The following TRDN variants were observed in gnomAD, a reference collection of about 807,000 sequenced individuals.
TRDN encodes the protein triadin.
TRDN carries 161 observed loss-of-function variants against 149.7 expected under a neutral mutation model. The ratio of observed to expected loss-of-function variants is 1.08; its 90% CI spans 0.95 to 1.23. The LOEUF (loss-of-function observed/expected upper bound fraction) is 1.23, where lower values mean the gene tolerates loss of function less well. TRDN is among the 50% of genes most tolerant of loss of function. TRDN has a pLI of 0.00. For missense variants in TRDN, 896 were observed against 823.5 expected (o/e 1.09, Z -1.08); for synonymous variants, 294 against 250.5 (o/e 1.17, Z -1.64).
chr6:123,318,833 CA>C (rs1582865565), intron 23 of TRDN, among the ~76,000 whole-genome samples: 2 of 152,116 alleles, frequency 1.3e-5, no homozygotes, highest in East Asian at 3.9e-4. Context: ...CAACCAGAAC[CA>C]ACTTCGATCT....
chr6:123,381,985 CTCTCAA>C, intron 15 of TRDN, 127 bp downstream of exon 15: 1 of 591,918 alleles, frequency 1.7e-6, no homozygotes, highest in Non-Finnish European at 2.6e-6. Context: ...CTCTCTCTCT[CTCTCAA>C]TCTCAATCAT....
At chr6:123,622,418 A>G (rs1259497991) in intron 1 of TRDN, among the ~76,000 whole-genome samples, 1 of 152,066 alleles carries the variant, frequency 6.6e-6, no homozygotes, top group African/African-American at 2.4e-5. Flanking sequence ...GCCTCTGGTC[A>G]ACAGTAGGCT....
intron 12 of TRDN, among the ~76,000 whole-genome samples, chr6:123,425,172 G>GGT (rs1431521760): frequency 2.0e-5 from 3 of 151,294 alleles, no homozygotes; most frequent in African/African-American, 7.3e-5. Context: ...GGGAAAAAAG[G>GGT]GTGTAGTAAT....
chr6:123,493,651 T>C (rs772274480), intron 9 of TRDN, among the ~76,000 whole-genome samples: 1 of 152,114 alleles, frequency 6.6e-6, no homozygotes, highest in Non-Finnish European at 1.5e-5. Flanking sequence ...AATAGTGAAC[T>C]CTAGCTAAAC....
chr6:123,464,767 A>C (rs1306351428), intron 10 of TRDN, 139 bp downstream of exon 10: 7 of 1,409,184 alleles, frequency 5.0e-6, no homozygotes, highest in Non-Finnish European at 5.6e-6. Flanking sequence ...TTTTAGGAAA[A>C]GTATAGTTTA....
At chr6:123,260,469 A>T in intron 34 of TRDN, 143 bp downstream of exon 34, 1 of 789,620 alleles carries the variant, frequency 1.3e-6, no homozygotes, top group Non-Finnish European at 1.8e-6. Flanking sequence ...CCTTTTGGGA[A>T]GTCATTATGC....
At chr6:123,352,864 T>C (rs1780520388) in intron 20 of TRDN, among the ~76,000 whole-genome samples, 1 of 151,962 alleles carries the variant, frequency 6.6e-6, no homozygotes, top group Non-Finnish European at 1.5e-5. Flanking sequence ...CTACATAGAA[T>C]TCCACTTGAC....
intron 1 of TRDN, among the ~76,000 whole-genome samples, chr6:123,577,765 T>A (rs1206525634): frequency 1.3e-5 from 2 of 152,160 alleles, no homozygotes; most frequent in African/African-American, 4.8e-5. Context: ...CAACAGTGTA[T>A]AAGTGTTCCC....
At chr6:123,279,103 T>TTA in intron 24 of TRDN, 21 bp from the exon 25 acceptor site, 1 of 1,594,454 alleles carries the variant, frequency 6.3e-7, no homozygotes, top group Non-Finnish European at 8.6e-7. Context: ...GTAAAAAAAT[T>TTA]ATTAAAGGCT....
chr6:123,254,481 T>C (rs1173905518), intron 37 of TRDN, among the ~76,000 whole-genome samples: 5 of 152,054 alleles, frequency 3.3e-5, no homozygotes, highest in Admixed American at 6.6e-5. Context: ...CCTAGCACCT[T>C]CGAATTTAAA....
chr6:123,398,600 A>T lies in TRDN; in HGVS notation c.1052-4923T>A, dbSNP rs1208762781. 3.9e-5 allele frequency among the ~76,000 whole-genome samples: 6 copies of T among 152,224 alleles called. No homozygotes were observed. The East Asian group carries it at 1.2e-3, about 29-fold the overall frequency. On this transcript the variant is annotated intron_variant, in intron 12 of 40. Coordinates refer to ENST00000334268, the MANE Select transcript of TRDN (RefSeq NM_006073.4). ...ATATAGATAGTACCAAAATAGAGAA[A>T]GGTTAACATTTAAGCTAAAAGTTGC...
intron 1 of TRDN, among the ~76,000 whole-genome samples, chr6:123,592,506 A>G (rs1295068538): frequency 6.6e-6 from 1 of 152,182 alleles, no homozygotes; most frequent in Admixed American, 6.5e-5. Context: ...GACTCTAGGC[A>G]TTGGGACTGT....
chr6:123,332,781 CAG>C (rs1026352997), intron 22 of TRDN, among the ~76,000 whole-genome samples: 1 of 151,958 alleles, frequency 6.6e-6, no homozygotes, highest in Non-Finnish European at 1.5e-5. Flanking sequence ...GGTGAAAATA[CAG>C]AGACTGTGAT....
intron 5 of TRDN, among the ~76,000 whole-genome samples, chr6:123,521,702 T>C (rs976234568): frequency 4.1e-4 from 63 of 152,224 alleles, no homozygotes; most frequent in African/African-American, 1.3e-3. Context: ...TGAGGACTGA[T>C]GTCAGCTTAG....
At chr6:123,564,479 T>C (rs1405557477) in intron 2 of TRDN, among the ~76,000 whole-genome samples, 1 of 152,198 alleles carries the variant, frequency 6.6e-6, no homozygotes, top group Non-Finnish European at 1.5e-5. Flanking sequence ...CCCTAAATGA[T>C]TTTACTCTGC....
intron 1 of TRDN, among the ~76,000 whole-genome samples, chr6:123,576,453 GTT>G (rs1355832661): frequency 7.0e-6 from 1 of 142,550 alleles, no homozygotes; most frequent in Non-Finnish European, 1.5e-5. Context: ...CATATGTATG[GTT>G]TTTCTTTTTT....
intron 24 of TRDN, among the ~76,000 whole-genome samples, chr6:123,293,542 C>T (rs955488100): frequency 6.6e-5 from 10 of 152,054 alleles, no homozygotes; most frequent in Non-Finnish European, 1.2e-4. Context: ...AGGGAAAAAT[C>T]ACTGCCTAGT....
chr6:123,406,849 A>C (rs1408355131), intron 12 of TRDN, among the ~76,000 whole-genome samples: 1 of 152,164 alleles, frequency 6.6e-6, no homozygotes, highest in Non-Finnish European at 1.5e-5. Context: ...CTGATTCAAA[A>C]ACAAAAATTG....
chr6:123,352,982 C>G (rs772981728), intron 20 of TRDN, among the ~76,000 whole-genome samples: 1 of 151,742 alleles, frequency 6.6e-6, no homozygotes. Flanking sequence ...ATAGCTTAAT[C>G]AGCTGAAACA....
Sources: allele counts gnomAD v4.1 joint callset (sites outside exome capture counted in the v4.1 genomes callset), GRCh38; gene constraint gnomAD v4.1.1; transcripts MANE v1.5; gene names NCBI Gene and HGNC (gene_info 2026-07-23, HGNC 2026-07-21).